Variants in FAM117B observed in about 807,000 individuals in gnomAD.
The protein encoded by FAM117B is protein FAM117B.
Under a neutral mutation model 52.8 loss-of-function variants are expected in FAM117B, and 22 were observed. The ratio of observed to expected loss-of-function variants is 0.42; its 90% CI spans 0.30 to 0.59. The LOEUF (loss-of-function observed/expected upper bound fraction) is 0.59, where lower values mean the gene tolerates loss of function less well. Ranked by LOEUF, FAM117B falls within the 20% of genes least tolerant of loss-of-function variation. The pLI, the probability that FAM117B is intolerant of heterozygous loss-of-function variation, is 0.22. For missense variants in FAM117B, 678 were observed against 802.6 expected (o/e 0.84, Z 1.88); for synonymous variants, 309 against 324.1 (o/e 0.95, Z 0.50).
chr2:202,711,131 C>T (rs1273461308), intron 2 of FAM117B, among the ~76,000 whole-genome samples: 1 of 152,076 alleles, frequency 6.6e-6, no homozygotes, highest in Non-Finnish European at 1.5e-5. Context: ...TGAGGAACCT[C>T]CAAACTGTTC....
At chr2:202,667,734 A>T (rs763158480) in intron 1 of FAM117B, among the ~76,000 whole-genome samples, 4 of 152,022 alleles carry the variant, frequency 2.6e-5, no homozygotes, top group Non-Finnish European at 5.9e-5. Flanking sequence ...ATTTCTACTC[A>T]AGTTGAAGTA....
rs1692015370 is a variant in FAM117B, at chr2:202,768,274, G to A, written c.*2510G>A. On this transcript the variant is annotated 3_prime_UTR_variant, in exon 8 of 8. Transcript: ENST00000392238. ...ATTTGTCTAATTCATATCTTTCTGT[G>A]GAGTTTCATATGTCCTTAATCTAAA... 6.6e-6 allele frequency: 1 copy of A among 152,002 alleles called. No individual in the cohort carries two copies. Among genetic ancestry groups the A allele is most frequent in the Non-Finnish European group, 1.5e-5 (1 of 67,998 alleles). The allele number at this position is 152,002 out of a possible 1,614,324, so 9.4% of individuals were successfully genotyped here. A position where few individuals can be genotyped will look rare whatever the true frequency, so the allele number is the denominator to read the frequency against.
intron 2 of FAM117B, among the ~76,000 whole-genome samples, chr2:202,698,115 C>T (rs1017550464): frequency 7.2e-5 from 11 of 152,038 alleles, no homozygotes; most frequent in Non-Finnish European, 1.5e-4. Context: ...AAGTGATCTG[C>T]CAGCCTCCCA....
At chr2:202,667,504 G>A (rs1232988654) in intron 1 of FAM117B, among the ~76,000 whole-genome samples, 1 of 152,012 alleles carries the variant, frequency 6.6e-6, no homozygotes, top group Non-Finnish European at 1.5e-5. Flanking sequence ...GCGCGCGCAT[G>A]TGCTGTCTCT....
At chr2:202,697,105 G>T (rs772262511) in intron 2 of FAM117B, among the ~76,000 whole-genome samples, 1 of 151,992 alleles carries the variant, frequency 6.6e-6, no homozygotes, top group African/African-American at 2.4e-5. Flanking sequence ...AATCATTCAG[G>T]TCTACCCCTT....
At position 202,718,752 on chromosome 2, in the gene FAM117B, C is replaced by T. The variant is rs1253486876; in HGVS notation, c.754-6165C>T. ...TGCTCCACTCACTGATGCTGCCCAG[C>T]GATCTAGTTTGTTTGGAATGCTTTT... On this transcript the variant is annotated intron_variant, in intron 2 of 7. Transcript: ENST00000392238. Among the ~76,000 whole-genome samples the T allele has an allele frequency of 5.3e-5, 8 of 152,244 alleles. No homozygotes were observed. In the South Asian group the frequency reaches 6.2e-4, roughly 12 times the overall value.
intron 1 of FAM117B, among the ~76,000 whole-genome samples, chr2:202,648,559 GTA>G (rs937928273): frequency 1.2e-4 from 15 of 130,066 alleles, no homozygotes; most frequent in Non-Finnish European, 1.8e-4. Flanking sequence ...ATATATGTAT[GTA>G]TGTGTGTGTG....
At chr2:202,639,041 C>T (rs1389469623) in intron 1 of FAM117B, among the ~76,000 whole-genome samples, 4 of 152,156 alleles carry the variant, frequency 2.6e-5, no homozygotes, top group Admixed American at 6.5e-5. Flanking sequence ...TCTTTGTAAA[C>T]GTCAGAGTCC....
At chr2:202,702,665 T>C (rs979695938) in intron 2 of FAM117B, among the ~76,000 whole-genome samples, 1 of 151,942 alleles carries the variant, frequency 6.6e-6, no homozygotes, top group Non-Finnish European at 1.5e-5. Flanking sequence ...GCCATTCTCC[T>C]GCCTCAGCCT....
At chr2:202,697,739 G>A (rs945456439) in intron 2 of FAM117B, among the ~76,000 whole-genome samples, 6 of 151,772 alleles carry the variant, frequency 4.0e-5, no homozygotes, top group Admixed American at 3.9e-4. Flanking sequence ...TAGTAGAGAC[G>A]GGGTTTTACC....
intron 4 of FAM117B, among the ~76,000 whole-genome samples, chr2:202,746,160 C>T (rs1250029279): frequency 6.6e-6 from 1 of 152,126 alleles, no homozygotes; most frequent in Non-Finnish European, 1.5e-5. Flanking sequence ...CACATATCAG[C>T]ACATGGAACA....
intron 2 of FAM117B, among the ~76,000 whole-genome samples, chr2:202,715,815 T>G (rs1691043805): frequency 6.6e-6 from 1 of 152,228 alleles, no homozygotes; most frequent in South Asian, 2.1e-4. Flanking sequence ...TGAATGAGAC[T>G]CCGTCTGCAA....
chr2:202,668,635 T>C (rs1690247447), intron 1 of FAM117B, among the ~76,000 whole-genome samples: 1 of 148,580 alleles, frequency 6.7e-6, no homozygotes, highest in African/African-American at 2.5e-5. Flanking sequence ...AATAAATAAA[T>C]AAATAAATAA....
chr2:202,722,337 ATGTTTGTT>A (rs1482431240), intron 2 of FAM117B, among the ~76,000 whole-genome samples: 1 of 152,148 alleles, frequency 6.6e-6, no homozygotes, highest in African/African-American at 2.4e-5. Context: ...AAACTTAAAC[ATGTTTGTT>A]TAACACCAAC....
At chr2:202,642,408 G>A (rs140331041) in intron 1 of FAM117B, among the ~76,000 whole-genome samples, 1 of 149,030 alleles carries the variant, frequency 6.7e-6, no homozygotes, top group Admixed American at 6.7e-5. Flanking sequence ...ACTCACAAAG[G>A]CATTGATCAC....
At chr2:202,705,163 G>A (rs750207652) in intron 2 of FAM117B, among the ~76,000 whole-genome samples, 6 of 151,942 alleles carry the variant, frequency 3.9e-5, no homozygotes, top group South Asian at 2.1e-4. Context: ...AAAATTAGCC[G>A]AGTGTGGTGG....
chr2:202,652,380 C>T (rs1208969320), intron 1 of FAM117B, among the ~76,000 whole-genome samples: 30 of 152,148 alleles, frequency 2.0e-4, no homozygotes, highest in Admixed American at 1.9e-3. Flanking sequence ...ATTACAGGTG[C>T]GAGCCACCCT....
intron 1 of FAM117B, among the ~76,000 whole-genome samples, chr2:202,669,687 C>T (rs557429110): frequency 8.5e-5 from 13 of 152,240 alleles, no homozygotes; most frequent in African/African-American, 2.9e-4. Context: ...GAAAGTATTT[C>T]CTTAAATCAT....
intron 2 of FAM117B, among the ~76,000 whole-genome samples, chr2:202,708,775 A>T (rs1019819457): frequency 6.6e-5 from 10 of 151,938 alleles, no homozygotes; most frequent in African/African-American, 1.2e-4. Context: ...TGAATAATTT[A>T]AAAAAAATTT....
Sources: allele counts gnomAD v4.1 joint callset (sites outside exome capture counted in the v4.1 genomes callset), GRCh38; gene constraint gnomAD v4.1.1; transcripts MANE v1.5; gene names NCBI Gene and HGNC (gene_info 2026-07-23, HGNC 2026-07-21).